PTPRT: variants seen among roughly 807,000 people sequenced by gnomAD.
The protein encoded by PTPRT is protein tyrosine phosphatase receptor type T.
In PTPRT, 56 loss-of-function variants were observed where a neutral mutation model predicts 176.8. That is an observed-to-expected ratio of 0.32 (90% CI 0.26 to 0.40). The LOEUF (loss-of-function observed/expected upper bound fraction) is 0.40, where lower values mean the gene tolerates loss of function less well. PTPRT is among the 10% of genes least tolerant of loss of function. The pLI, the probability that PTPRT is intolerant of heterozygous loss-of-function variation, is 1.00. For synonymous variants in PTPRT, 783 were observed against 739.0 expected (o/e 1.06, Z -0.96); for missense variants, 1,540 against 1,908.2 (o/e 0.81, Z 3.60).
At chr20:42,084,002 G>T (rs77084234) in intron 29 of PTPRT, among the ~76,000 whole-genome samples, 8 of 152,314 alleles carry the variant, frequency 5.3e-5, no homozygotes, top group African/African-American at 1.9e-4. Context: ...TGGTCTCTAT[G>T]TTGGCAGATA....
chr20:42,435,438 A>T lies in PTPRT; in HGVS notation c.1560+12782T>A, dbSNP rs536137101. Among the ~76,000 whole-genome samples, 6 of 152,260 alleles carry T rather than the reference A, an allele frequency of 3.9e-5. No homozygotes were observed. The East Asian group carries it at 1.2e-3, about 30-fold the overall frequency. On this transcript the variant is annotated intron_variant, in intron 9 of 30. Transcript: ENST00000373187. ...TAGGAGAATGAGTTGGCCATGGAAG[A>T]GGAAGTGAAAGAGCTTTCTGGCAAT...
At chr20:42,622,923 G>C (rs1316188882) in intron 7 of PTPRT, among the ~76,000 whole-genome samples, 4 of 152,124 alleles carry the variant, frequency 2.6e-5, no homozygotes, top group African/African-American at 9.7e-5. Flanking sequence ...CATCCAAAAA[G>C]TTGCCTTTTG....
At chr20:42,578,195 T>C (rs894162713) in intron 7 of PTPRT, among the ~76,000 whole-genome samples, 1 of 152,138 alleles carries the variant, frequency 6.6e-6, no homozygotes, top group Non-Finnish European at 1.5e-5. Context: ...GAGTTGAGAT[T>C]AGGATTGATC....
Position 42,272,463 on chromosome 20 carries a change from A to G in PTPRT, c.2176+10026T>C, listed in dbSNP as rs569875220. Among the ~76,000 whole-genome samples the G allele has an allele frequency of 1.7e-4, 26 of 152,048 alleles. No homozygotes were observed. The East Asian group carries it at 4.6e-3, about 27-fold the overall frequency. ...GCAAGACAAAGACTGTCGCCCTCAC[A>G]TGTCAGTAAAAGAAATGCAAAGCTT... On this transcript the variant is annotated intron_variant, in intron 13 of 30. Transcript: ENST00000373187.
chr20:42,660,528 A>G (rs2075204311), intron 7 of PTPRT, among the ~76,000 whole-genome samples: 1 of 152,208 alleles, frequency 6.6e-6, no homozygotes, highest in Admixed American at 6.5e-5. Flanking sequence ...TAAAAAAGCC[A>G]ACTTGGTAAC....
intron 7 of PTPRT, among the ~76,000 whole-genome samples, chr20:42,636,054 T>C (rs889736815): frequency 6.6e-6 from 1 of 152,172 alleles, no homozygotes; most frequent in Non-Finnish European, 1.5e-5. Flanking sequence ...ATGAAATTAA[T>C]AGAGTTGACC....
In PTPRT at chr20:42,110,322, C is replaced by G. The variant is rs1239963810; in HGVS notation, c.3254+11G>C. Reference sequence around the variant, plus strand: ...GCCTCGGCCTCCCAAGGTGAAGGACCTTTGACTTACCTGCAGTGGACCACT... The same window carrying G: ...GCCTCGGCCTCCCAAGGTGAAGGACGTTTGACTTACCTGCAGTGGACCACT... On this transcript the variant is annotated intron_variant, in intron 23 of 30. Transcript: ENST00000373187. 1 of 1,598,826 alleles carries G rather than the reference C, an allele frequency of 6.3e-7. No individual in the cohort carries two copies. The highest frequency in any genetic ancestry group is 8.5e-7 in the Non-Finnish European group (1 of 1,170,140).
At chr20:42,853,913 T>C (rs2078518519) in intron 2 of PTPRT, among the ~76,000 whole-genome samples, 2 of 152,308 alleles carry the variant, frequency 1.3e-5, no homozygotes, top group Non-Finnish European at 1.5e-5. Context: ...CTGAATAGAC[T>C]AACCCCGTGG....
intron 1 of PTPRT, among the ~76,000 whole-genome samples, chr20:42,996,423 A>C (rs917970985): frequency 1.3e-5 from 2 of 152,218 alleles, no homozygotes; most frequent in Non-Finnish European, 2.9e-5. Flanking sequence ...GAAGAAAAGA[A>C]GGAAGGAGGA....
chr20:42,211,301 C>G (rs2055621347), intron 15 of PTPRT, among the ~76,000 whole-genome samples: 2 of 151,308 alleles, frequency 1.3e-5, no homozygotes, highest in African/African-American at 4.8e-5. Context: ...CAAATGGGAT[C>G]TAATTAAACT....
chr20:43,155,869 A>G (rs2014503469), intron 1 of PTPRT, among the ~76,000 whole-genome samples: 1 of 152,160 alleles, frequency 6.6e-6, no homozygotes, highest in Admixed American at 6.5e-5. Context: ...TTGGTTTCTC[A>G]CTCTTCAGAA....
chr20:42,406,483 C>G (rs1159823369), intron 9 of PTPRT, among the ~76,000 whole-genome samples: 1 of 151,996 alleles, frequency 6.6e-6, no homozygotes, highest in Non-Finnish European at 1.5e-5. Flanking sequence ...AATCACGTAA[C>G]AGTTTAAGAA....
intron 6 of PTPRT, among the ~76,000 whole-genome samples, chr20:42,705,966 T>C (rs1178920398): frequency 6.6e-6 from 1 of 152,130 alleles, no homozygotes; most frequent in Admixed American, 6.5e-5. Context: ...TTCCTTGCCC[T>C]TGATCTGTTC....
At chr20:42,507,005 C>A (rs1054049880) in intron 7 of PTPRT, among the ~76,000 whole-genome samples, 1 of 152,086 alleles carries the variant, frequency 6.6e-6, no homozygotes, top group Non-Finnish European at 1.5e-5. Flanking sequence ...GACAGAAGTG[C>A]ATTCAAATCT....
At position 42,798,463 on chromosome 20, in the gene PTPRT, A is replaced by C. The variant is rs1474715982; in HGVS notation, c.215-6997T>G. On this transcript the variant is annotated intron_variant, in intron 2 of 30. Transcript: ENST00000373187. ...AGTAATCATCAAGCCAATTGCAAACATAACAATAGACCAATAGCCATACCA... is the reference window on the plus strand; with the variant it reads ...AGTAATCATCAAGCCAATTGCAAACCTAACAATAGACCAATAGCCATACCA... Among the ~76,000 whole-genome samples the C allele has an allele frequency of 7.9e-5, 12 of 152,320 alleles. No homozygotes were observed. The East Asian group carries it at 2.3e-3, about 29-fold the overall frequency.
At chr20:42,394,074 T>C (rs2058826719) in intron 9 of PTPRT, among the ~76,000 whole-genome samples, 1 of 151,582 alleles carries the variant, frequency 6.6e-6, no homozygotes, top group Non-Finnish European at 1.5e-5. Flanking sequence ...TACTACTTGA[T>C]GGATATGCCT....
chr20:42,729,841 C>T (rs2076434198), intron 6 of PTPRT, among the ~76,000 whole-genome samples: 1 of 152,146 alleles, frequency 6.6e-6, no homozygotes, highest in Admixed American at 6.6e-5. Context: ...AGATTTTGTG[C>T]TACACTCAGG....
chr20:42,290,325 T>C (rs1600788878), intron 12 of PTPRT, among the ~76,000 whole-genome samples: 1 of 152,230 alleles, frequency 6.6e-6, no homozygotes, highest in East Asian at 1.9e-4. Context: ...AAAATCTGCA[T>C]GCAGGTATAA....
Position 42,330,822 on chromosome 20 carries a change from C to T in PTPRT, c.1866-14826G>A, listed in dbSNP as rs1047497129. Among the ~76,000 whole-genome samples, 5 of 152,326 alleles carry T rather than the reference C, an allele frequency of 3.3e-5. 1 individual carries two copies. The highest frequency in any genetic ancestry group is 6.8e-3 in the Middle Eastern group (2 of 294). On this transcript the variant is annotated intron_variant, in intron 11 of 30. Coordinates refer to ENST00000373187, the MANE Select transcript of PTPRT (RefSeq NM_007050.6). The stretch of plus-strand genomic sequence containing the variant: ...GAACAAGCAGAATGCTGCAGGGGCC[C>T]TGCTCCTGTGTAGTCACAGACCAGT...
Sources: allele counts gnomAD v4.1 joint callset (sites outside exome capture counted in the v4.1 genomes callset), GRCh38; gene constraint gnomAD v4.1.1; transcripts MANE v1.5; gene names NCBI Gene and HGNC (gene_info 2026-07-23, HGNC 2026-07-21).